Variants in GABRB2 observed in about 807,000 individuals in gnomAD.
GABRB2 encodes gamma-aminobutyric acid receptor subunit beta-2.
GABRB2 carries 16 observed loss-of-function variants against 54.7 expected under a neutral mutation model. The observed-to-expected ratio is 0.29, with a 90% confidence interval of 0.20 to 0.44. The LOEUF (loss-of-function observed/expected upper bound fraction) is 0.44. Among genes scored for constraint, GABRB2 ranks in the 20% least tolerant of loss-of-function variants. The probability of loss-of-function intolerance (pLI) is 1.00; values close to 1 mark genes in which losing one functional copy is unlikely to be tolerated. For missense variants in GABRB2, 355 were observed against 644.0 expected (o/e 0.55, Z 4.86); for synonymous variants, 244 against 233.8 (o/e 1.04, Z -0.40).
At chr5:161,373,978 G>T (rs1349612319) in intron 5 of GABRB2, among the ~76,000 whole-genome samples, 5 of 151,668 alleles carry the variant, frequency 3.3e-5, no homozygotes, top group Non-Finnish European at 5.9e-5. Flanking sequence ...AGTTTTGCTC[G>T]TGTTGCCCAG....
chr5:161,378,643 G>A (rs1395776598), intron 5 of GABRB2, among the ~76,000 whole-genome samples: 1 of 152,156 alleles, frequency 6.6e-6, no homozygotes, highest in Admixed American at 6.5e-5. Flanking sequence ...GAATTTCTAA[G>A]AGTAGATAAA....
chr5:161,355,583 T>G (rs1025694589), intron 5 of GABRB2, among the ~76,000 whole-genome samples: 7 of 151,922 alleles, frequency 4.6e-5, no homozygotes, highest in African/African-American at 1.7e-4. Flanking sequence ...TTTGAATAAA[T>G]AAACTCTACT....
intron 3 of GABRB2, among the ~76,000 whole-genome samples, chr5:161,517,162 G>A (rs550542408): frequency 6.6e-6 from 1 of 152,110 alleles, no homozygotes. Flanking sequence ...TTGGGACCCA[G>A]CCTTTCATAA....
intron 9 of GABRB2, among the ~76,000 whole-genome samples, chr5:161,303,049 G>T (rs1267471137): frequency 6.6e-6 from 1 of 152,146 alleles, no homozygotes; most frequent in African/African-American, 2.4e-5. Flanking sequence ...TTTTTACTCT[G>T]CCTTTTTAAC....
chr5:161,362,265 C>T (rs1448294577), intron 5 of GABRB2, among the ~76,000 whole-genome samples: 2 of 152,056 alleles, frequency 1.3e-5, no homozygotes, highest in African/African-American at 4.8e-5. Flanking sequence ...ATGGGCTCTT[C>T]TTTTAGTTCC....
intron 5 of GABRB2, among the ~76,000 whole-genome samples, chr5:161,351,171 C>T (rs1198714421): frequency 6.6e-6 from 1 of 152,190 alleles, no homozygotes; most frequent in Non-Finnish European, 1.5e-5. Context: ...ATTCCAATGA[C>T]ATTTTTCCAG....
chr5:161,418,463 C>T (rs912218995), intron 4 of GABRB2, among the ~76,000 whole-genome samples: 3 of 152,064 alleles, frequency 2.0e-5, no homozygotes, highest in Non-Finnish European at 4.4e-5. Flanking sequence ...AATCTGGACT[C>T]CTATCTCCCA....
intron 4 of GABRB2, among the ~76,000 whole-genome samples, chr5:161,443,443 T>C (rs1162223685): frequency 6.6e-6 from 1 of 152,172 alleles, no homozygotes; most frequent in Non-Finnish European, 1.5e-5. Flanking sequence ...CCTAGGGATA[T>C]AGCCTCTTCC....
intron 3 of GABRB2, among the ~76,000 whole-genome samples, chr5:161,484,503 C>T (rs1267250028): frequency 6.6e-6 from 1 of 151,958 alleles, no homozygotes; most frequent in Non-Finnish European, 1.5e-5. Flanking sequence ...GGGAGAAAGG[C>T]CTCCAACAGT....
chr5:161,459,580 A>G (rs748674608), intron 4 of GABRB2, 44 bp downstream of exon 4: 4 of 1,477,824 alleles, frequency 2.7e-6, no homozygotes, highest in African/African-American at 2.8e-5. Flanking sequence ...ATTAACAGCT[A>G]TTTTGTTCAG....
chr5:161,456,684 A>T (rs10042958), intron 4 of GABRB2, among the ~76,000 whole-genome samples: 63,790 of 151,348 alleles, frequency 0.42, 14,652 homozygotes, highest in African/African-American at 0.63. Flanking sequence ...AAGTTAATAT[A>T]AATAAGATAA....
At chr5:161,347,601 G>A (rs1434126918) in intron 5 of GABRB2, among the ~76,000 whole-genome samples, 2 of 152,052 alleles carry the variant, frequency 1.3e-5, no homozygotes, top group Admixed American at 6.6e-5. Flanking sequence ...TGAGGGCCAT[G>A]TGATTCAGTT....
intron 3 of GABRB2, among the ~76,000 whole-genome samples, chr5:161,537,010 G>A (rs905347914): frequency 1.3e-4 from 20 of 151,904 alleles, no homozygotes; most frequent in Admixed American, 6.6e-4. Flanking sequence ...TCACCAGTGC[G>A]CTCCTGTTAC....
intron 3 of GABRB2, among the ~76,000 whole-genome samples, chr5:161,509,170 TCC>T (rs1232938177): frequency 4.6e-5 from 7 of 151,966 alleles, no homozygotes; most frequent in Admixed American, 2.6e-4. Flanking sequence ...GATTAAAGCA[TCC>T]CAACAACCAG....
chr5:161,450,236 C>T (rs1157160113), intron 4 of GABRB2, among the ~76,000 whole-genome samples: 7 of 152,026 alleles, frequency 4.6e-5, no homozygotes, highest in Non-Finnish European at 8.8e-5. Context: ...ACTTTCATTC[C>T]GTTGAAATCA....
At chr5:161,386,730 T>C (rs1182117107) in intron 5 of GABRB2, among the ~76,000 whole-genome samples, 1 of 148,726 alleles carries the variant, frequency 6.7e-6, no homozygotes, top group Non-Finnish European at 1.5e-5. Flanking sequence ...TTGGTGGAGG[T>C]GGGGTTTCAC....
intron 3 of GABRB2, among the ~76,000 whole-genome samples, chr5:161,529,684 G>A (rs529408707): frequency 5.5e-4 from 84 of 152,018 alleles, no homozygotes; most frequent in Admixed American, 2.9e-3. Context: ...GTTACTAGTC[G>A]TAATCAAATA....
intron 3 of GABRB2, among the ~76,000 whole-genome samples, chr5:161,490,668 G>A (rs1350037555): frequency 6.6e-6 from 1 of 151,616 alleles, no homozygotes; most frequent in African/African-American, 2.4e-5. Flanking sequence ...TCTAAAATTA[G>A]TGAGTAACTT....
intron 3 of GABRB2, among the ~76,000 whole-genome samples, chr5:161,525,583 G>T (rs944873436): frequency 2.6e-5 from 4 of 151,012 alleles, no homozygotes; most frequent in African/African-American, 9.7e-5. Context: ...ACTTTAATAT[G>T]AAAACAACCA....
Sources: allele counts gnomAD v4.1 joint callset (sites outside exome capture counted in the v4.1 genomes callset), GRCh38; gene constraint gnomAD v4.1.1; transcripts MANE v1.5; gene names NCBI Gene and HGNC (gene_info 2026-07-23, HGNC 2026-07-21).